Variants in MTTP observed in about 807,000 individuals in gnomAD.
MTTP encodes microsomal triglyceride transfer protein.
MTTP carries 49 observed loss-of-function variants against 90.6 expected under a neutral mutation model. That is an observed-to-expected ratio of 0.54 (90% CI 0.43 to 0.69). The LOEUF (loss-of-function observed/expected upper bound fraction) is 0.69. Ranked by LOEUF, MTTP falls within the 30% of genes least tolerant of loss-of-function variation. The pLI, the probability that MTTP is intolerant of heterozygous loss-of-function variation, is 0.00. For synonymous variants in MTTP, 347 were observed against 384.2 expected, an observed-to-expected ratio of 0.90 and a Z score of 1.13; for missense variants, 945 against 1,067.5, an observed-to-expected ratio of 0.89 and a Z score of 1.60.
chr4:99,573,109 G>T (rs1430947213), upstream of MTTP, among the ~76,000 whole-genome samples: 1 of 152,074 alleles, frequency 6.6e-6, no homozygotes, highest in Admixed American at 6.6e-5. Context: ...TACCCGAAGG[G>T]CACGTATCAT....
rs767807220 is a variant in MTTP, at chr4:99,606,942, C to T, written c.1539C>T (p.Leu513=). 6.2e-7 allele frequency: 1 copy of T among 1,613,500 alleles called. No individual in the cohort carries two copies. Among genetic ancestry groups the T allele is most frequent in the Admixed American group, 1.7e-5 (1 of 59,978 alleles). The change falls in exon 11 of 18, where the codon CTC becomes CTT. Residue 513 remains leucine, a synonymous_variant. Coordinates refer to ENST00000265517, the MANE Select transcript of MTTP (RefSeq NM_001386140.1). ...CCACTGCTCTCCAGAGATATGATCT[C>T]CCTTTCATAACTGATGAGGTAAAAT... is the stretch of plus-strand genomic sequence containing the variant. ...LATTALQRYD[L]PFITDEVKKT...
chr4:99,614,530 A>G (rs900849916), intron 15 of MTTP, among the ~76,000 whole-genome samples: 1 of 152,254 alleles, frequency 6.6e-6, no homozygotes, highest in Non-Finnish European at 1.5e-5. Flanking sequence ...TCACTTTTAT[A>G]GTGTAACAAA....
chr4:99,586,507 T>C (rs565643974), intron 3 of MTTP, among the ~76,000 whole-genome samples: 1 of 152,264 alleles, frequency 6.6e-6, no homozygotes, highest in Admixed American at 6.5e-5. Context: ...TAAATCAGCA[T>C]GGCTCTTGTA....
chr4:99,599,148 G>T (rs1260370326), intron 8 of MTTP, among the ~76,000 whole-genome samples: 1 of 152,178 alleles, frequency 6.6e-6, no homozygotes, highest in Non-Finnish European at 1.5e-5. Context: ...AAAAGGAAAA[G>T]ATTCTGTGAG....
intron 10 of MTTP, among the ~76,000 whole-genome samples, chr4:99,604,033 A>G (rs1222778049): frequency 6.6e-6 from 1 of 152,166 alleles, no homozygotes; most frequent in Non-Finnish European, 1.5e-5. Context: ...TGAGGATAAT[A>G]AGATTTGGCC....
chr4:99,593,534 A>G (rs1489145299), intron 6 of MTTP, among the ~76,000 whole-genome samples: 1 of 152,194 alleles, frequency 6.6e-6, no homozygotes, highest in Non-Finnish European at 1.5e-5. Context: ...TTCTAACAGG[A>G]TTAAGAACTA....
intron 16 of MTTP, 153 bp from the exon 17 acceptor site, chr4:99,620,904 CAGAA>C: frequency 1.4e-6 from 1 of 694,958 alleles, no homozygotes. Flanking sequence ...TGGTTACCAG[CAGAA>C]CTCTAAGCAC....
At chr4:99,601,912 G>T (rs550001642) in intron 10 of MTTP, among the ~76,000 whole-genome samples, 198 bp downstream of exon 10, 4 of 151,998 alleles carry the variant, frequency 2.6e-5, no homozygotes, top group Admixed American at 2.6e-4. Context: ...TATTTCACTA[G>T]AATGTAAGTT....
Position 99,580,296 on chromosome 4 carries a change from C to G in MTTP, c.62-1609C>G, listed in dbSNP as rs138040029. 5.8e-3 allele frequency among the ~76,000 whole-genome samples: 884 copies of G among 151,416 alleles called. 6 individuals carry two copies. Among genetic ancestry groups the G allele is most frequent in the Non-Finnish European group, 9.8e-3 (664 of 67,838 alleles). On this transcript the variant is annotated intron_variant, in intron 1 of 17. Transcript: ENST00000265517. ...GACAGCCTGGATTAAAATCATATCT[C>G]CAGCCAGACGTGGTAGCTCACATCT...
intron 8 of MTTP, among the ~76,000 whole-genome samples, chr4:99,599,798 C>A (rs1482608062): frequency 2.0e-5 from 3 of 152,098 alleles, no homozygotes; most frequent in African/African-American, 4.8e-5. Flanking sequence ...CAAAATAGTA[C>A]AAGTATATCA....
intron 1 of MTTP, among the ~76,000 whole-genome samples, chr4:99,581,621 C>A (rs115773414): frequency 4.6e-5 from 7 of 150,726 alleles, no homozygotes; most frequent in South Asian, 2.1e-4. Flanking sequence ...GGCATTTAAA[C>A]AAAAAAAAAC....
chr4:99,622,607 A>G, intron 17 of MTTP, 70 bp from the exon 18 acceptor site: 2 of 1,526,144 alleles, frequency 1.3e-6, no homozygotes, highest in Non-Finnish European at 1.8e-6. Flanking sequence ...ACATTCAGTA[A>G]CTTGGCTGGA....
rs994697147 is a variant in MTTP at position 99,583,375 on chromosome 4, T to A, written c.251T>A (p.Met84Lys). 2 of 1,612,910 alleles carry A rather than the reference T, an allele frequency of 1.2e-6. No individual in the cohort carries two copies. Among genetic ancestry groups the A allele is most frequent in the Non-Finnish European group, 1.7e-6 (2 of 1,179,560 alleles). ...ACAGCTTTCTTTCTGTTACTCCAGA[T>A]GAAGGATGTAAATGTTGAAAATGTG... ...GDDDQLIQITMKDVNVENVNQ... is the reference protein window; with the variant it reads ...GDDDQLIQITKKDVNVENVNQ... The change falls in exon 3 of 18, where the codon ATG (methionine) becomes AAG (lysine). Residue 84 changes from methionine to lysine, a missense_variant and splice_region_variant. Physicochemically the swap from Met to Lys is moderately conservative, Grantham distance 95. Transcript: ENST00000265517.
intron 2 of MTTP, 33 bp from the exon 3 acceptor site, chr4:99,583,340 GT>G (rs761238948): frequency 5.4e-5 from 87 of 1,608,348 alleles, no homozygotes; most frequent in Middle Eastern, 1.8e-4. Flanking sequence ...GATATAGGAA[GT>G]TTTTTTTAAC....
At chr4:99,583,572 C>T (rs767717539) in intron 3 of MTTP, 55 bp downstream of exon 3, 2 of 1,597,034 alleles carry the variant, frequency 1.3e-6, no homozygotes, top group Non-Finnish European at 1.7e-6. Context: ...TTTTTCTTCC[C>T]TTCAGTAGAT....
chr4:99,613,100 G>A lies in MTTP; in HGVS notation c.2177G>A (p.Ser726Asn). ...KMLSASGDPI[S>N]VVKGLILLID... ...CTGTCAGCATCTGGCGACCCTATCA[G>A]TGTGGTGAAAGGACTTATTCTGCTA... Residue 726 changes from serine (S) to asparagine (N), a missense_variant, in exon 15 of 18, where the codon AGT becomes AAT. Transcript: ENST00000265517. 1 of 1,613,996 alleles carries A rather than the reference G, an allele frequency of 6.2e-7. No individual in the cohort carries two copies. The highest frequency in any genetic ancestry group is 8.5e-7 in the Non-Finnish European group (1 of 1,179,920).
chr4:99,602,968 G>A (rs547427702), intron 10 of MTTP, among the ~76,000 whole-genome samples: 2 of 152,230 alleles, frequency 1.3e-5, no homozygotes, highest in Non-Finnish European at 2.9e-5. Context: ...TAAACAAAGT[G>A]CTCAGACAAT....
chr4:99,613,107 G>T lies in MTTP; in HGVS notation c.2184G>T (p.Val728=), dbSNP rs1399003129. 1 of 1,613,928 alleles carries T rather than the reference G, an allele frequency of 6.2e-7. No homozygotes were observed. The highest frequency in any genetic ancestry group is 8.5e-7 in the Non-Finnish European group (1 of 1,179,894). The change falls in exon 15 of 18, where the codon GTG becomes GTT. Residue 728 remains valine, a synonymous_variant. Coordinates refer to ENST00000265517, the MANE Select transcript of MTTP (RefSeq NM_001386140.1). The stretch of plus-strand genomic sequence containing the variant: ...CATCTGGCGACCCTATCAGTGTGGT[G>T]AAAGGACTTATTCTGCTAATAGATC... ...LSASGDPISV[V]KGLILLIDHS... is the part of the protein sequence containing the mutation.
At chr4:99,619,159 C>T (rs374942215) in intron 16 of MTTP, 61 bp downstream of exon 16, 27 of 1,456,714 alleles carry the variant, frequency 1.9e-5, no homozygotes, top group South Asian at 4.6e-5. Context: ...AGAGAACTTC[C>T]GAAATATGTT....
Sources: allele counts gnomAD v4.1 joint callset (sites outside exome capture counted in the v4.1 genomes callset), GRCh38; gene constraint gnomAD v4.1.1; transcripts MANE v1.5; gene names NCBI Gene and HGNC (gene_info 2026-07-23, HGNC 2026-07-21).